Variants in WEE1 observed in about 807,000 individuals in gnomAD.
The protein encoded by WEE1 is WEE1 G2 checkpoint kinase, also known as wee1-like protein kinase.
WEE1 carries 16 observed loss-of-function variants against 68.8 expected under a neutral mutation model. The ratio of observed to expected loss-of-function variants is 0.23; its 90% CI spans 0.16 to 0.35. The LOEUF is 0.35. Ranked by LOEUF, WEE1 falls within the 10% of genes least tolerant of loss-of-function variation. The pLI, the probability that WEE1 is intolerant of heterozygous loss-of-function variation, is 1.00. For synonymous variants in WEE1, 349 were observed against 318.7 expected (o/e 1.09, Z -1.01); for missense variants, 651 against 824.1 (o/e 0.79, Z 2.57).
At chr11:9,575,366 A>T (rs1189863022) in intron 1 of WEE1, 1 of 991,256 alleles carries the variant, frequency 1.0e-6, no homozygotes, top group Non-Finnish European at 1.2e-6. Flanking sequence ...GGGAAGATGC[A>T]CCTTTTAAAG....
chr11:9,577,801 C>G (rs1849580535), intron 5 of WEE1: 1 of 447,628 alleles, frequency 2.2e-6, no homozygotes, highest in Non-Finnish European at 4.5e-6. Context: ...TTTTAGTTCT[C>G]TAGCTTGTCG....
chr11:9,589,407 G>T lies in WEE1; in HGVS notation c.*805G>T, dbSNP rs1849738154. The T allele has an allele frequency of 1.0e-5, 10 of 984,594 alleles. No homozygotes were observed. The highest frequency in any genetic ancestry group is 9.6e-6 in the Non-Finnish European group (8 of 829,510). 61.0% of individuals were successfully genotyped at this position (984,594 alleles called of 1,614,324 possible). A position where few individuals can be genotyped will look rare whatever the true frequency, so the allele number is the denominator to read the frequency against. ...ACTTGTTCTGGTAATGTCCTTCCCGGACTCTTTTTAAATGTCTCCCCCTAA... is the reference window on the plus strand; with the variant it reads ...ACTTGTTCTGGTAATGTCCTTCCCGTACTCTTTTTAAATGTCTCCCCCTAA... On this transcript the variant is annotated 3_prime_UTR_variant, in exon 11 of 11. Coordinates refer to ENST00000450114, the MANE Select transcript of WEE1 (RefSeq NM_003390.4).
intron 1 of WEE1, chr11:9,575,349 G>A (rs1475127992): frequency 1.0e-6 from 1 of 990,472 alleles, no homozygotes; most frequent in Non-Finnish European, 1.2e-6. Flanking sequence ...CATTTGTAAG[G>A]TTAACAGGGA....
intron 5 of WEE1, 46 bp downstream of exon 5, chr11:9,577,309 C>T (rs751062783): frequency 1.3e-5 from 21 of 1,589,562 alleles, no homozygotes; most frequent in East Asian, 2.3e-5. Flanking sequence ...AAATGAACAT[C>T]GAGGAAATAT....
intron 6 of WEE1, among the ~76,000 whole-genome samples, chr11:9,583,397 C>T (rs901019742): frequency 2.6e-5 from 4 of 151,852 alleles, no homozygotes; most frequent in Middle Eastern, 3.2e-3. Context: ...GGTGGATTGC[C>T]TAAGCTTGGG....
chr11:9,575,058 C>T (rs904707299), intron 1 of WEE1: 7 of 985,536 alleles, frequency 7.1e-6, no homozygotes, highest in Non-Finnish European at 8.4e-6. Context: ...GCTGGCCTTC[C>T]AAGCATTTAC....
chr11:9,586,575 C>G lies in WEE1; in HGVS notation c.1597C>G (p.Arg533Gly). The change falls in exon 9 of 11, where the codon CGG becomes GGG. Residue 533 changes from arginine (R) to glycine (G), a missense_variant. Around this residue, in one of 5 missense-constraint regions of WEE1, gnomAD observed 115 missense variants for 142.7 expected, o/e 0.81. Transcript: ENST00000450114. ...TGAAATCAGACAGGGTAGATTACCT[C>G]GGATACCACAAGTGCTTTCCCAAGA... The part of the protein sequence containing the change: ...WHEIRQGRLP[R>G]IPQVLSQEFT... 6.2e-7 allele frequency: 1 copy of G among 1,614,098 alleles called. No homozygotes were observed. Among genetic ancestry groups the G allele is most frequent in the Non-Finnish European group, 8.5e-7 (1 of 1,180,022 alleles).
In WEE1 at chr11:9,574,817, C is replaced by T; in HGVS notation, c.576+308C>T. On this transcript the variant is annotated intron_variant, in intron 1 of 10. Transcript: ENST00000450114. The surrounding 1 kb of genome is among the most constrained non-coding windows in gnomAD (Gnocchi z 4.9). ...GAGCGTGTCAGCCCCGAGTGCGGCA[C>T]CGATAACGCGGTTCGCGAGGATGCT... 2.7e-5 allele frequency: 27 copies of T among 998,816 alleles called. No homozygotes were observed. The highest frequency in any genetic ancestry group is 3.2e-5 in the Non-Finnish European group (27 of 838,762). 61.9% of individuals were successfully genotyped at this position (998,816 alleles called of 1,614,324 possible).
At chr11:9,575,758 C>CTA in intron 1 of WEE1, 130 bp from the exon 2 acceptor site, 1 of 732,466 alleles carries the variant, frequency 1.4e-6, no homozygotes, top group Non-Finnish European at 2.2e-6. Flanking sequence ...TGCTTGAACT[C>CTA]TAACAAAGGC....
chr11:9,575,238 C>A (rs1040651178), intron 1 of WEE1: 1 of 985,552 alleles, frequency 1.0e-6, no homozygotes, highest in East Asian at 1.1e-4. Context: ...AGGAGGTGTT[C>A]AGCACCTGTG....
chr11:9,574,845 A>C lies in WEE1; in HGVS notation c.576+336A>C. The C allele has an allele frequency of 1.0e-6, 1 of 990,598 alleles. No individual in the cohort carries two copies. Among genetic ancestry groups the C allele is most frequent in the Non-Finnish European group, 1.2e-6 (1 of 833,426 alleles). 61.4% of individuals were successfully genotyped at this position (990,598 alleles called of 1,614,324 possible). A position where few individuals can be genotyped will look rare whatever the true frequency, so the allele number is the denominator to read the frequency against. On this transcript the variant is annotated intron_variant, in intron 1 of 10. Coordinates refer to ENST00000450114, the MANE Select transcript of WEE1 (RefSeq NM_003390.4). This position sits in a 1 kb window ranked among gnomAD's most constrained non-coding sequence, Gnocchi z 4.9. ...ATAACGCGGTTCGCGAGGATGCTGG[A>C]GGGTGCCGGCCCGGCCACCTGACAC...
At position 9,588,825 on chromosome 11, in the gene WEE1, G is replaced by T. The variant is rs1457034393; in HGVS notation, c.*223G>T. On this transcript the variant is annotated 3_prime_UTR_variant, in exon 11 of 11. Transcript: ENST00000450114. ...TCTTCTGTAGGATGTGTCACTGTTG[G>T]ATGTTACACCAGCCTTTCCAGGGTT... 1.8e-6 allele frequency: 2 copies of T among 1,132,204 alleles called. No individual in the cohort carries two copies. The highest frequency in any genetic ancestry group is 2.2e-6 in the Non-Finnish European group (2 of 921,688). 70.1% of individuals were successfully genotyped at this position (1,132,204 alleles called of 1,614,324 possible).
chr11:9,577,990 C>T (rs1368057731), intron 5 of WEE1: 1 of 437,642 alleles, frequency 2.3e-6, no homozygotes, highest in Non-Finnish European at 4.5e-6. Flanking sequence ...GGACGTCTGT[C>T]ATTATTATAT....
At chr11:9,585,110 C>T (rs1369951322) in intron 6 of WEE1, 148 bp from the exon 7 acceptor site, 2 of 651,932 alleles carry the variant, frequency 3.1e-6, no homozygotes, top group Non-Finnish European at 2.6e-6. Flanking sequence ...TGGTTTCTGT[C>T]CCCTGAGATG....
intron 6 of WEE1, among the ~76,000 whole-genome samples, chr11:9,583,802 C>CACACACACATAT (rs1295357946): frequency 1.1e-4 from 2 of 17,860 alleles, no homozygotes; most frequent in Non-Finnish European, 2.0e-4. Context: ...CACACACACA[C>CACACACACATAT]ATATATATAT....
intron 6 of WEE1, 105 bp from the exon 7 acceptor site, chr11:9,585,153 A>G: frequency 1.1e-6 from 1 of 883,266 alleles, no homozygotes; most frequent in Non-Finnish European, 1.8e-6. Flanking sequence ...GAACTTGAGA[A>G]TCGGCATTTT....
At position 9,576,474 on chromosome 11, in the gene WEE1, CTT is replaced by C. The variant is rs752605390; in HGVS notation, c.847-9_847-8del. 3 of 1,606,548 alleles carry C rather than the reference CTT, an allele frequency of 1.9e-6. No individual in the cohort carries two copies. The highest frequency in any genetic ancestry group is 1.7e-4 in the Middle Eastern group (1 of 5,994). ...TATTTGTATTACATATATGGAAACACTTTTTATTACAGAGAATTACAATTACT... is the reference window on the plus strand; with the variant it reads ...TATTTGTATTACATATATGGAAACACTTTATTACAGAGAATTACAATTACT... On this transcript the variant is annotated splice_polypyrimidine_tract_variant and intron_variant, in intron 3 of 10. Coordinates refer to ENST00000450114, the MANE Select transcript of WEE1 (RefSeq NM_003390.4). The surrounding 1 kb of genome is among the most constrained non-coding windows in gnomAD (Gnocchi z 4.3).
intron 1 of WEE1, chr11:9,575,323 A>T: frequency 1.0e-6 from 1 of 988,918 alleles, no homozygotes; most frequent in African/African-American, 1.7e-5. Context: ...ACTTCCAGAG[A>T]TTAAGACAAG....
intron 10 of WEE1, 93 bp downstream of exon 10, chr11:9,586,949 G>A: frequency 7.2e-7 from 1 of 1,383,744 alleles, no homozygotes; most frequent in Non-Finnish European, 9.7e-7. Context: ...TGTCAACAAA[G>A]GATGTAGTGG....
Sources: allele counts gnomAD v4.1 joint callset (sites outside exome capture counted in the v4.1 genomes callset), GRCh38; gene constraint gnomAD v4.1.1; regional missense constraint gnomAD v4.1.1; non-coding constraint Gnocchi (gnomAD v3.1); transcripts MANE v1.5; gene names NCBI Gene and HGNC (gene_info 2026-07-23, HGNC 2026-07-21).